Variants in CLVS1 observed in about 807,000 individuals in gnomAD.
CLVS1 encodes the protein clavesin 1.
CLVS1 carries 10 observed loss-of-function variants against 33.1 expected under a neutral mutation model. The ratio of observed to expected loss-of-function variants is 0.30; its 90% confidence interval spans 0.19 to 0.51. The LOEUF is 0.51. Among genes scored for constraint, CLVS1 ranks in the 20% least tolerant of loss-of-function variants. The pLI, the probability that CLVS1 is intolerant of heterozygous loss-of-function variation, is 0.97. For synonymous variants in CLVS1, 163 were observed against 166.1 expected (o/e 0.98, Z 0.14); for missense variants, 343 against 433.4 (o/e 0.79, Z 1.85).
At chr8:61,108,286 A>C (rs1413995210) in intron 1 of CLVS1, among the ~76,000 whole-genome samples, 1 of 152,126 alleles carries the variant, frequency 6.6e-6, no homozygotes, top group Non-Finnish European at 1.5e-5. Flanking sequence ...GTGCAACAAA[A>C]ATCTGCAATA....
rs536439780 is a variant in CLVS1 at position 61,498,337 on chromosome 8, C to G, written c.978-1118C>G. ...CTTATCAGGTAGACTACTCTAAGGG[C>G]TCAGAGGAGCCAAAGGCCAGTCTTG... On this transcript the variant is annotated intron_variant, in intron 5 of 5. Coordinates refer to ENST00000325897, the MANE Select transcript of CLVS1 (RefSeq NM_173519.3). Among the ~76,000 whole-genome samples the G allele has an allele frequency of 2.2e-4, 34 of 152,262 alleles. 1 individual carries two copies. The highest frequency in any genetic ancestry group is 1.7e-3 in the Admixed American group (26 of 15,300).
chr8:61,498,685 T>TTAAC (rs979936034), intron 5 of CLVS1, among the ~76,000 whole-genome samples: 25 of 152,234 alleles, frequency 1.6e-4, no homozygotes, highest in African/African-American at 5.3e-4. Context: ...TTCATAAGTT[T>TTAAC]TAACTATAAT....
rs1008289068 is a variant in CLVS1, at chr8:61,397,704, C to A, written c.630+20925C>A. Among the ~76,000 whole-genome samples, 6 of 152,170 alleles carry A rather than the reference C, an allele frequency of 3.9e-5. No homozygotes were observed. The South Asian group carries it at 1.2e-3, about 32-fold the overall frequency. On this transcript the variant is annotated intron_variant, in intron 3 of 5. Transcript: ENST00000325897. ...TGTATGGTGTAAAGTAGGGCTCCAA[C>A]TTTATTCTTTTGCAGGAAGATATCC...
chr8:61,394,600 AG>A (rs1352666650), intron 3 of CLVS1, among the ~76,000 whole-genome samples: 1 of 152,158 alleles, frequency 6.6e-6, no homozygotes, highest in Non-Finnish European at 1.5e-5. Context: ...ACAGGTCATC[AG>A]GGAAGTTGGG....
At chr8:61,133,076 G>A in intron 2 of CLVS1, among the ~76,000 whole-genome samples, 1 of 152,178 alleles carries the variant, frequency 6.6e-6, no homozygotes, top group East Asian at 1.9e-4. Context: ...TGCTTCCACT[G>A]CAAAGTCTGG....
At chr8:61,351,465 C>A (rs1273796941) in intron 2 of CLVS1, among the ~76,000 whole-genome samples, 1 of 151,828 alleles carries the variant, frequency 6.6e-6, no homozygotes, top group Non-Finnish European at 1.5e-5. Context: ...GTCATAAGAT[C>A]CAATATTCAT....
chr8:61,062,435 T>C (rs943649049), intron 1 of CLVS1, among the ~76,000 whole-genome samples: 4 of 152,230 alleles, frequency 2.6e-5, no homozygotes, highest in Admixed American at 1.3e-4. Flanking sequence ...TACGTCAGTA[T>C]AGAAAACTTA....
intron 2 of CLVS1, among the ~76,000 whole-genome samples, chr8:61,371,499 G>A (rs1051417686): frequency 3.9e-5 from 6 of 152,092 alleles, no homozygotes; most frequent in African/African-American, 1.4e-4. Context: ...TATGCCCTGT[G>A]ATTTCAGAAT....
At chr8:60,998,208 T>G in the CLVS1 span, among the ~76,000 whole-genome samples, 11 of 152,086 alleles carry the variant, frequency 7.2e-5, no homozygotes, top group Non-Finnish European at 7.4e-5. Flanking sequence ...TGGCAGCGAT[T>G]TGAGAGCAGG....
intron 2 of CLVS1, among the ~76,000 whole-genome samples, chr8:61,338,834 A>C (rs1431351839): frequency 1.3e-5 from 2 of 151,886 alleles, no homozygotes; most frequent in African/African-American, 2.4e-5. Context: ...TCTTCCTCTC[A>C]GCCTCTGCCC....
chr8:61,019,418 T>C, the CLVS1 span, among the ~76,000 whole-genome samples: 2 of 152,202 alleles, frequency 1.3e-5, no homozygotes, highest in Non-Finnish European at 2.9e-5. Flanking sequence ...CCATTTAGAC[T>C]CAGGAGACCT....
intron 2 of CLVS1, among the ~76,000 whole-genome samples, chr8:61,201,931 C>A (rs894491163): frequency 6.6e-6 from 1 of 152,178 alleles, no homozygotes; most frequent in African/African-American, 2.4e-5. Flanking sequence ...TCATTTATAA[C>A]CTGACAGATC....
intron 2 of CLVS1, among the ~76,000 whole-genome samples, chr8:61,246,967 C>G (rs1186121841): frequency 6.6e-6 from 1 of 152,122 alleles, no homozygotes; most frequent in Non-Finnish European, 1.5e-5. Flanking sequence ...CCACCCTCCC[C>G]ACTCAAGCAG....
chr8:61,468,808 G>A (rs543125642), intron 5 of CLVS1, among the ~76,000 whole-genome samples: 22 of 150,612 alleles, frequency 1.5e-4, no homozygotes, highest in Non-Finnish European at 2.9e-4. Context: ...TCATGTCTCA[G>A]CACTGAAAGA....
At chr8:61,441,835 A>G (rs1278287405) in intron 3 of CLVS1, among the ~76,000 whole-genome samples, 1 of 152,330 alleles carries the variant, frequency 6.6e-6, no homozygotes, top group East Asian at 1.9e-4. Flanking sequence ...AATGAAGTGC[A>G]TTTCTAATGG....
At chr8:61,218,780 CAAAAAA>C (rs748142714) in intron 2 of CLVS1, among the ~76,000 whole-genome samples, 2 of 37,940 alleles carry the variant, frequency 5.3e-5, no homozygotes, top group East Asian at 2.1e-3. Flanking sequence ...AGTAAAAATA[CAAAAAA>C]AAAAAAAAAA....
At chr8:61,048,793 C>T in the CLVS1 span, among the ~76,000 whole-genome samples, 1 of 152,126 alleles carries the variant, frequency 6.6e-6, no homozygotes, top group Admixed American at 6.5e-5. Context: ...GCAGCCTTGC[C>T]CTGCTCTCTC....
intron 2 of CLVS1, among the ~76,000 whole-genome samples, chr8:61,262,322 T>C (rs550265228): frequency 6.6e-6 from 1 of 152,264 alleles, no homozygotes; most frequent in South Asian, 2.1e-4. Flanking sequence ...GGCTGTCTTG[T>C]ATTTTTAAAA....
intron 3 of CLVS1, among the ~76,000 whole-genome samples, chr8:61,410,998 C>A (rs181404063): frequency 1.3e-5 from 2 of 152,272 alleles, no homozygotes; most frequent in Non-Finnish European, 2.9e-5. Context: ...TCTCCTCCTA[C>A]GCTTGTGCTC....
Sources: gnomAD v4.1 joint callset for allele counts (sites outside exome capture counted in the v4.1 genomes callset) on GRCh38, gnomAD v4.1.1 for gene constraint, MANE v1.5 for transcripts, NCBI Gene and HGNC (gene_info 2026-07-23, HGNC 2026-07-21) for gene names.